Variants in MROH9 observed in about 807,000 individuals in gnomAD.
MROH9 encodes maestro heat-like repeat-containing protein family member 9.
MROH9 carries 92 observed loss-of-function variants against 98.2 expected under a neutral mutation model. That is an observed-to-expected ratio of 0.94 (90% CI 0.79 to 1.11). The LOEUF is 1.11. Ranked by LOEUF, MROH9 falls within the 50% of genes most tolerant of loss-of-function variation. The pLI is 0.00. For missense variants in MROH9, 1,057 were observed against 1,014.8 expected (o/e 1.04, Z -0.57); for synonymous variants, 397 against 368.9 (o/e 1.08, Z -0.87).
intron 17 of MROH9, among the ~76,000 whole-genome samples, chr1:171,020,039 G>A (rs1475734364): frequency 4.6e-5 from 7 of 151,990 alleles, no homozygotes; most frequent in African/African-American, 1.7e-4. Context: ...ATTCCTGGAC[G>A]CATACACCCT....
chr1:171,028,074 T>C (rs2101845749), intron 20 of MROH9, among the ~76,000 whole-genome samples: 2 of 152,226 alleles, frequency 1.3e-5, no homozygotes, highest in East Asian at 3.8e-4. Flanking sequence ...TTGTTGCAAT[T>C]GCTTTTGGTG....
chr1:170,953,414 A>AG (rs1484361997), intron 3 of MROH9, among the ~76,000 whole-genome samples: 3 of 152,014 alleles, frequency 2.0e-5, no homozygotes, highest in Admixed American at 2.0e-4. Flanking sequence ...TAAAAACAAA[A>AG]AAAAACTTTT....
chr1:170,981,902 C>T (rs143095125), intron 8 of MROH9, among the ~76,000 whole-genome samples: 235 of 152,246 alleles, frequency 1.5e-3, no homozygotes, highest in African/African-American at 5.5e-3. Context: ...GATACCACTA[C>T]ACACTCATTA....
chr1:170,998,475 C>T, intron 15 of MROH9: 3 of 1,513,134 alleles, frequency 2.0e-6, no homozygotes, highest in South Asian at 1.3e-5. Context: ...TTCAGCTTTC[C>T]CCAGCAGTTG....
At chr1:171,031,105 C>T (rs1158664780) in intron 20 of MROH9, among the ~76,000 whole-genome samples, 1 of 152,120 alleles carries the variant, frequency 6.6e-6, no homozygotes, top group Non-Finnish European at 1.5e-5. Flanking sequence ...AGCATTGCAA[C>T]CCCTGCGGTT....
intron 8 of MROH9, among the ~76,000 whole-genome samples, chr1:170,974,562 T>G (rs1195175960): frequency 6.6e-6 from 1 of 151,990 alleles, no homozygotes; most frequent in Non-Finnish European, 1.5e-5. Context: ...CTTAAACCAG[T>G]AGAAATATCT....
intron 20 of MROH9, among the ~76,000 whole-genome samples, chr1:171,055,134 G>C (rs754369712): frequency 7.2e-5 from 11 of 151,960 alleles, no homozygotes; most frequent in Non-Finnish European, 1.5e-4. Flanking sequence ...TCAACAAATG[G>C]ATAAAGAAAA....
At chr1:170,979,703 T>C (rs976929511) in intron 8 of MROH9, among the ~76,000 whole-genome samples, 1 of 152,146 alleles carries the variant, frequency 6.6e-6, no homozygotes, top group Non-Finnish European at 1.5e-5. Flanking sequence ...AGCCACAGAC[T>C]GGGAGAAAAT....
At chr1:170,982,347 A>T (rs923186031) in intron 8 of MROH9, among the ~76,000 whole-genome samples, 1 of 152,158 alleles carries the variant, frequency 6.6e-6, no homozygotes, top group African/African-American at 2.4e-5. Flanking sequence ...AATCCCCCCA[A>T]AAAAGAGTAT....
At chr1:171,055,320 A>T (rs542932727) in intron 20 of MROH9, among the ~76,000 whole-genome samples, 1 of 152,098 alleles carries the variant, frequency 6.6e-6, no homozygotes, top group Non-Finnish European at 1.5e-5. Context: ...GAGGATGCAA[A>T]GGCATAAGAA....
At chr1:170,939,723 C>T (rs1006717990) in intron 1 of MROH9, among the ~76,000 whole-genome samples, 10 of 152,122 alleles carry the variant, frequency 6.6e-5, no homozygotes, top group Admixed American at 1.3e-4. Flanking sequence ...GGTTGGATAA[C>T]ACCCAGTTCA....
At chr1:171,007,765 A>G (rs1399835061) in intron 15 of MROH9, among the ~76,000 whole-genome samples, 1 of 152,136 alleles carries the variant, frequency 6.6e-6, no homozygotes, top group Non-Finnish European at 1.5e-5. Flanking sequence ...GGGCACAAAG[A>G]CATAACCAAA....
In MROH9 at chr1:170,961,930, T is replaced by C. The variant is rs1242872401; in HGVS notation, c.329T>C (p.Leu110Pro). Residue 110 changes from leucine to proline, a missense_variant, in exon 6 of 22, where the codon CTT becomes CCT. Physicochemically the swap from Leu to Pro is moderately conservative, Grantham distance 98 (BLOSUM62 -3). Transcript: ENST00000367759. The part of the protein sequence containing the change: ...HNILNIYENI[L>P]TSLVSKDLYK... ...ATTTTAAATATATATGAGAACATTC[T>C]TACGAGCTTGGTGTCTAAAGACCTC... The C allele has an allele frequency of 6.5e-7, 1 of 1,540,848 alleles. No homozygotes were observed. Among genetic ancestry groups the C allele is most frequent in the Non-Finnish European group, 8.8e-7 (1 of 1,137,834 alleles).
At chr1:170,996,927 T>A (rs1217528163) in intron 14 of MROH9, among the ~76,000 whole-genome samples, 3 of 152,144 alleles carry the variant, frequency 2.0e-5, no homozygotes, top group Non-Finnish European at 2.9e-5. Flanking sequence ...AAACTAGAAG[T>A]GAGTTTGGTT....
intron 5 of MROH9, 117 bp downstream of exon 5, chr1:170,959,714 A>G (rs539949161): frequency 4.3e-5 from 39 of 911,480 alleles, no homozygotes; most frequent in East Asian, 5.7e-5. Context: ...CTTTTTAGTT[A>G]TAACAGTCAG....
intron 7 of MROH9, among the ~76,000 whole-genome samples, chr1:170,969,634 G>T (rs1456618235): frequency 6.6e-6 from 1 of 152,070 alleles, no homozygotes; most frequent in African/African-American, 2.4e-5. Context: ...CATAGAAGTG[G>T]TTGCTTCTGG....
At position 171,064,158 on chromosome 1, in the gene MROH9, T is replaced by A; in HGVS notation, c.2404T>A (p.Tyr802Asn). 1 of 1,551,096 alleles carries A rather than the reference T, an allele frequency of 6.4e-7. No individual in the cohort carries two copies. The highest frequency in any genetic ancestry group is 8.7e-7 in the Non-Finnish European group (1 of 1,146,860). The change falls in exon 22 of 22, where the codon TAT becomes AAT. Residue 802 changes from tyrosine to asparagine, a missense_variant. Coordinates refer to ENST00000367759, the MANE Select transcript of MROH9 (RefSeq NM_001163629.2). ...GATCAAACAGTTGGCTGAAATAACCTATGATATTTTTAAGAAAAAAGCCCA... is the reference window on the plus strand; with the variant it reads ...GATCAAACAGTTGGCTGAAATAACCAATGATATTTTTAAGAAAAAAGCCCA... ...PMIKQLAEIT[Y>N]DIFKKKAHKL...
intron 17 of MROH9, among the ~76,000 whole-genome samples, chr1:171,017,051 T>C (rs1173827967): frequency 6.6e-6 from 1 of 152,266 alleles, no homozygotes; most frequent in East Asian, 1.9e-4. Context: ...CACAGTATTA[T>C]TAAATTATGA....
At chr1:170,970,639 A>G (rs1650405522) in intron 7 of MROH9, among the ~76,000 whole-genome samples, 1 of 151,808 alleles carries the variant, frequency 6.6e-6, no homozygotes, top group South Asian at 2.1e-4. Flanking sequence ...TCACAATTCA[A>G]TTATGGCCTT....
Sources: gnomAD v4.1 joint callset for allele counts (sites outside exome capture counted in the v4.1 genomes callset) on GRCh38, gnomAD v4.1.1 for gene constraint, MANE v1.5 for transcripts, NCBI Gene and HGNC (gene_info 2026-07-23, HGNC 2026-07-21) for gene names.